The following FSD1L variants were observed in gnomAD, a reference collection of about 807,000 sequenced individuals.
FSD1L encodes the protein fibronectin type III and SPRY domain containing 1 like.
Under a neutral mutation model 71.6 loss-of-function variants are expected in FSD1L, and 45 were observed. The observed-to-expected ratio is 0.63, with a 90% confidence interval of 0.49 to 0.81. The LOEUF (loss-of-function observed/expected upper bound fraction) is 0.81. FSD1L is among the 30% of genes least tolerant of loss of function. The pLI, the probability that FSD1L is intolerant of heterozygous loss-of-function variation, is 0.00. For missense variants in FSD1L, 561 were observed against 618.1 expected (o/e 0.91, Z 0.98); for synonymous variants, 197 against 207.2 (o/e 0.95, Z 0.42).
intron 7 of FSD1L, among the ~76,000 whole-genome samples, chr9:105,494,572 G>T (rs1469589512): frequency 6.6e-6 from 1 of 152,166 alleles, no homozygotes; most frequent in Admixed American, 6.5e-5. Flanking sequence ...AGGAGGAGAG[G>T]CGCTCTGGTT....
At position 105,460,288 on chromosome 9, in the gene FSD1L, G is replaced by A. The variant is rs188429338; in HGVS notation, c.16-1232G>A. Among the ~76,000 whole-genome samples, 952 of 152,164 alleles carry A rather than the reference G, an allele frequency of 6.3e-3. 4 individuals carry two copies. Among genetic ancestry groups the A allele is most frequent in the Non-Finnish European group, 0.01 (695 of 67,994 alleles). On this transcript the variant is annotated intron_variant, in intron 1 of 13. Coordinates refer to ENST00000481272, the MANE Select transcript of FSD1L (RefSeq NM_001145313.3). ...ATTTTGAATGAATTTAAGAGGAATG[G>A]TAAAGATAAGATTAACTGTAATCGC...
intron 7 of FSD1L, among the ~76,000 whole-genome samples, chr9:105,485,543 T>TTG (rs1044468901): frequency 1.3e-5 from 2 of 150,158 alleles, no homozygotes; most frequent in African/African-American, 2.5e-5. Flanking sequence ...GTTTTTTTTT[T>TTG]TTTTTTTTTT....
At position 105,507,628 on chromosome 9, in the gene FSD1L, C is replaced by G. The variant is rs557545896; in HGVS notation, c.797-989C>G. Reference sequence around the variant, plus strand: ...ACTTCAAAATGTTTGTTAGTAATCTCTGCTTTACTTCCTCTTTAAATTCAT... The same window carrying G: ...ACTTCAAAATGTTTGTTAGTAATCTGTGCTTTACTTCCTCTTTAAATTCAT... On this transcript the variant is annotated intron_variant, in intron 8 of 13. Coordinates refer to ENST00000481272, the MANE Select transcript of FSD1L (RefSeq NM_001145313.3). Among the ~76,000 whole-genome samples the G allele has an allele frequency of 5.3e-5, 8 of 152,282 alleles. No homozygotes were observed. The South Asian group carries it at 1.0e-3, about 20-fold the overall frequency.
At chr9:105,477,024 C>T (rs1831850267) in intron 5 of FSD1L, among the ~76,000 whole-genome samples, 1 of 152,120 alleles carries the variant, frequency 6.6e-6, no homozygotes, top group Non-Finnish European at 1.5e-5. Context: ...GATTATCTGG[C>T]TTTTCATTTA....
intron 10 of FSD1L, among the ~76,000 whole-genome samples, chr9:105,526,990 C>A (rs1835553626): frequency 6.7e-6 from 1 of 148,194 alleles, no homozygotes; most frequent in Non-Finnish European, 1.5e-5. Context: ...CCTGTTAATA[C>A]ACAGAATGTG....
intron 13 of FSD1L, among the ~76,000 whole-genome samples, chr9:105,544,274 GTTGT>G (rs1175033502): frequency 1.3e-5 from 2 of 151,888 alleles, no homozygotes; most frequent in Admixed American, 6.6e-5. Context: ...TTTTGATGGG[GTTGT>G]TTTTTTCTTG....
chr9:105,444,445 C>T (rs1829599497), upstream of FSD1L, among the ~76,000 whole-genome samples: 1 of 152,204 alleles, frequency 6.6e-6, no homozygotes, highest in Non-Finnish European at 1.5e-5. Context: ...CCTATACTGA[C>T]TCCCAAAGGG....
chr9:105,524,256 G>A lies in FSD1L; in HGVS notation c.1026-10237G>A, dbSNP rs75207270. On this transcript the variant is annotated intron_variant, in intron 10 of 13. Coordinates refer to ENST00000481272, the MANE Select transcript of FSD1L (RefSeq NM_001145313.3). ...GTTTACTAATAAAACAGTAGCCCAC[G>A]TAGCTTGTAACATGCTTCACATGCT... 8 of 1,612,388 alleles carry A rather than the reference G, an allele frequency of 5.0e-6. No homozygotes were observed. The Admixed American group carries it at 6.7e-5, about 13-fold the overall frequency.
chr9:105,534,931 G>C, intron 11 of FSD1L, 136 bp from the exon 12 acceptor site: 1 of 776,786 alleles, frequency 1.3e-6, no homozygotes, highest in Non-Finnish European at 2.1e-6. Context: ...TAATGTCTGT[G>C]TGTTAACATG....
intron 1 of FSD1L, among the ~76,000 whole-genome samples, chr9:105,452,945 C>T (rs913834970): frequency 2.6e-5 from 4 of 151,620 alleles, no homozygotes; most frequent in African/African-American, 9.7e-5. Context: ...CCATGTTGTC[C>T]AGGCTAGCCT....
At chr9:105,515,380 G>C (rs1834648365) in intron 10 of FSD1L, among the ~76,000 whole-genome samples, 1 of 152,180 alleles carries the variant, frequency 6.6e-6, no homozygotes, top group Non-Finnish European at 1.5e-5. Flanking sequence ...AGATGTGCCA[G>C]ATTTGATCTT....
At chr9:105,491,546 G>A (rs1038541254) in intron 7 of FSD1L, among the ~76,000 whole-genome samples, 17 of 152,142 alleles carry the variant, frequency 1.1e-4, no homozygotes, top group Admixed American at 2.6e-4. Context: ...TTGAATAGGA[G>A]TGGTGAGAGA....
chr9:105,464,492 T>G (rs1830926294), intron 3 of FSD1L, among the ~76,000 whole-genome samples, 161 bp downstream of exon 3: 1 of 152,184 alleles, frequency 6.6e-6, no homozygotes, highest in Non-Finnish European at 1.5e-5. Flanking sequence ...AATTCCTGTT[T>G]TGTCCATGGA....
chr9:105,484,905 A>G (rs1832435510), intron 7 of FSD1L, among the ~76,000 whole-genome samples: 1 of 152,212 alleles, frequency 6.6e-6, no homozygotes, highest in Admixed American at 6.5e-5. Flanking sequence ...TAAGGATTAA[A>G]TAAATTGATA....
chr9:105,444,427 C>T (rs1303714408), upstream of FSD1L, among the ~76,000 whole-genome samples: 1 of 152,182 alleles, frequency 6.6e-6, no homozygotes, highest in East Asian at 1.9e-4. Flanking sequence ...TGACTCCATG[C>T]TGATGGCCCT....
chr9:105,447,968 C>T (rs1829719487), upstream of FSD1L: 2 of 540,600 alleles, frequency 3.7e-6, no homozygotes, highest in South Asian at 2.3e-5. Flanking sequence ...GGCTACTTCC[C>T]GGGAGCAGTC....
chr9:105,514,530 C>T (rs1430399323), intron 10 of FSD1L, among the ~76,000 whole-genome samples: 3 of 152,028 alleles, frequency 2.0e-5, no homozygotes. Context: ...GTACAAGTAG[C>T]AATAATGCAA....
At position 105,456,958 on chromosome 9, in the gene FSD1L, C is replaced by T. The variant is rs74573915; in HGVS notation, c.16-4562C>T. 9.3e-3 allele frequency among the ~76,000 whole-genome samples: 1,413 copies of T among 152,162 alleles called. 22 individuals carry two copies. The highest frequency in any genetic ancestry group is 0.032 in the African/African-American group (1,349 of 41,510). ...TTATCCATCAGTGTTTGTAAGGTAA[C>T]GGGAGGCTTGAGATCTGATATAAAA... On this transcript the variant is annotated intron_variant, in intron 1 of 13. Transcript: ENST00000481272.
At chr9:105,494,225 TC>T (rs759437451) in intron 7 of FSD1L, among the ~76,000 whole-genome samples, 6 of 152,148 alleles carry the variant, frequency 3.9e-5, no homozygotes, top group Non-Finnish European at 4.4e-5. Flanking sequence ...TCTCTAAACT[TC>T]CCTTCTCGCT....
Sources: gnomAD v4.1 joint callset for allele counts (sites outside exome capture counted in the v4.1 genomes callset) on GRCh38, gnomAD v4.1.1 for gene constraint, MANE v1.5 for transcripts, NCBI Gene and HGNC (gene_info 2026-07-23, HGNC 2026-07-21) for gene names.